Variants in HERC5 observed in about 807,000 individuals in gnomAD.
HERC5 encodes HECT and RLD domain containing E3 ubiquitin protein ligase 5.
A neutral mutation model predicts 119.6 loss-of-function variants in HERC5; 99 were observed. The ratio of observed to expected loss-of-function variants is 0.83; its 90% CI spans 0.70 to 0.98. The LOEUF (loss-of-function observed/expected upper bound fraction) is 0.98. Among genes scored for constraint, HERC5 ranks in the 50% least tolerant of loss-of-function variants. The probability of loss-of-function intolerance (pLI) is 0.00; values close to 1 mark genes in which losing one functional copy is unlikely to be tolerated. For synonymous variants in HERC5, 478 were observed against 445.9 expected, an observed-to-expected ratio of 1.07 and a Z score of -0.91; for missense variants, 1,267 against 1,241.3, an observed-to-expected ratio of 1.02 and a Z score of -0.31.
intron 20 of HERC5, 32 bp from the exon 21 acceptor site, chr4:88,504,199 AG>A: frequency 7.1e-7 from 1 of 1,406,832 alleles, no homozygotes; most frequent in South Asian, 1.2e-5. Context: ...AGGATATTGC[AG>A]TAAGTGGAAA....
chr4:88,503,371 G>A (rs1398786821), intron 20 of HERC5, among the ~76,000 whole-genome samples: 1 of 152,058 alleles, frequency 6.6e-6, no homozygotes, highest in Non-Finnish European at 1.5e-5. Context: ...TTTCTATGTA[G>A]AGATCTTGTT....
chr4:88,475,350 A>G (rs1432813927), intron 11 of HERC5, among the ~76,000 whole-genome samples: 7 of 120,164 alleles, frequency 5.8e-5, no homozygotes, highest in Admixed American at 1.0e-4. Flanking sequence ...TTTGAGATGG[A>G]GTCTTGCTCT....
chr4:88,478,853 C>T lies in HERC5; in HGVS notation c.1583-500C>T, dbSNP rs528745788. ...CCTGGAACTGCTGAGCTCAGACAAT[C>T]CACCTGCCTCAGCCTCCCAAAGTGC... is the stretch of plus-strand genomic sequence containing the variant. On this transcript the variant is annotated intron_variant, in intron 12 of 22. Transcript: ENST00000264350. Among the ~76,000 whole-genome samples the T allele has an allele frequency of 2.0e-5, 3 of 152,276 alleles. No homozygotes were observed. In the South Asian group the frequency reaches 6.2e-4, roughly 32 times the overall value.
At chr4:88,497,140 C>T (rs1049775038) in intron 18 of HERC5, among the ~76,000 whole-genome samples, 5 of 152,126 alleles carry the variant, frequency 3.3e-5, no homozygotes. Flanking sequence ...TTTGTTATGG[C>T]AGCGTAAATG....
rs1474364733 is a variant in HERC5 at position 88,492,888 on chromosome 4, C to T, written c.2134-124C>T. 14 of 797,448 alleles carry T rather than the reference C, an allele frequency of 1.8e-5. 1 individual carries two copies. In the Admixed American group the frequency reaches 3.4e-4, roughly 19 times the overall value. The allele number at this position is 797,448 out of a possible 1,614,324, so 49.4% of individuals were successfully genotyped here. On this transcript the variant is annotated intron_variant, in intron 16 of 22. Coordinates refer to ENST00000264350, the MANE Select transcript of HERC5 (RefSeq NM_016323.4). ...TATGATAATATAAGTAGGATACTTA[C>T]CTCAGTGCCTTCCAAATACTTGGGT... is the stretch of plus-strand genomic sequence containing the variant.
chr4:88,463,568 A>C lies in HERC5; in HGVS notation c.725A>C (p.Asn242Thr). 1 of 1,613,614 alleles carries C rather than the reference A, an allele frequency of 6.2e-7. No individual in the cohort carries two copies. The highest frequency in any genetic ancestry group is 8.5e-7 in the Non-Finnish European group (1 of 1,179,796). Residue 242 changes from asparagine (N) to threonine (T), a missense_variant, in exon 5 of 23, where the codon AAT becomes ACT. Coordinates refer to ENST00000264350, the MANE Select transcript of HERC5 (RefSeq NM_016323.4). ...CCATCCCTTATTGAAGGACTAGACA[A>C]TCAGAAAGTTGAATTTGTCGCTTGT... ...DDPSLIEGLD[N>T]QKVEFVACGG...
intron 17 of HERC5, 71 bp downstream of exon 17, chr4:88,493,226 T>C (rs1006191026): frequency 1.7e-5 from 24 of 1,394,306 alleles, no homozygotes; most frequent in Non-Finnish European, 2.3e-5. Flanking sequence ...AGAAAATTAG[T>C]TTGTCTAGAC....
At chr4:88,499,887 G>T (rs757532227) in intron 18 of HERC5, 39 bp from the exon 19 acceptor site, 1 of 1,395,654 alleles carries the variant, frequency 7.2e-7, no homozygotes, top group Non-Finnish European at 1.0e-6. Flanking sequence ...AGTGATCATG[G>T]TTATTACCTT....
At chr4:88,468,304 A>G in intron 7 of HERC5, 42 bp from the exon 8 acceptor site, 1 of 1,415,662 alleles carries the variant, frequency 7.1e-7, no homozygotes, top group Non-Finnish European at 9.9e-7. Flanking sequence ...TGTTTGTGCC[A>G]AATGACTTTC....
chr4:88,457,733 G>GTC (rs1740222748), intron 1 of HERC5, among the ~76,000 whole-genome samples, 199 bp downstream of exon 1: 1 of 152,190 alleles, frequency 6.6e-6, no homozygotes, highest in East Asian at 1.9e-4. Context: ...CGGGGTGAGC[G>GTC]GGATACTGGC....
Position 88,467,191 on chromosome 4 carries a change from A to G in HERC5, c.1044A>G (p.Glu348=). The G allele has an allele frequency of 1.9e-6, 3 of 1,614,182 alleles. No individual in the cohort carries two copies. In the East Asian group the frequency reaches 6.7e-5, roughly 36 times the overall value. ...TTCCAGTGAAAGTATCATCAAGTGA[A>G]GAACTCAAACTTGGTAAATTCTATA... is the stretch of plus-strand genomic sequence containing the variant. ...MPLPVKVSSS[E]ELKLESHTSE... Residue 348 remains glutamate, a synonymous_variant, in exon 7 of 23, where the codon GAA becomes GAG. Transcript: ENST00000264350.
intron 6 of HERC5, among the ~76,000 whole-genome samples, chr4:88,465,042 T>A (rs1028208384): frequency 9.9e-5 from 15 of 152,180 alleles, no homozygotes; most frequent in Non-Finnish European, 1.9e-4. Flanking sequence ...AGTGCTGGGA[T>A]TACAGGCATG....
At chr4:88,464,206 A>G (rs2149086716) in intron 6 of HERC5, among the ~76,000 whole-genome samples, 1 of 147,480 alleles carries the variant, frequency 6.8e-6, no homozygotes, top group East Asian at 2.0e-4. Flanking sequence ...GAGCAGATAC[A>G]ATTCACTTTC....
At chr4:88,466,587 G>A (rs951620460) in intron 6 of HERC5, among the ~76,000 whole-genome samples, 4 of 152,200 alleles carry the variant, frequency 2.6e-5, no homozygotes, top group African/African-American at 9.6e-5. Context: ...TAGGAACAGG[G>A]CACCAGCCAG....
At chr4:88,495,112 C>A (rs1057016493) in intron 18 of HERC5, among the ~76,000 whole-genome samples, 2 of 152,114 alleles carry the variant, frequency 1.3e-5, no homozygotes, top group African/African-American at 4.8e-5. Flanking sequence ...AAATACACAA[C>A]CATGCAAGGA....
chr4:88,459,370 A>C lies in HERC5; in HGVS notation c.289A>C (p.Met97Leu). 1 of 1,586,866 alleles carries C rather than the reference A, an allele frequency of 6.3e-7. No individual in the cohort carries two copies. The part of the protein sequence containing the change: ...TPKCIKLGKN[M>L]KIHSVDQGAE... ...AGAATGCATTAAATTAGGAAAAAAC[A>C]TGAAGATACATTCCGTGGACCAAGG... The change falls in exon 2 of 23, where the codon ATG (methionine) becomes CTG (leucine). Residue 97 changes from methionine (M) to leucine (L), a missense_variant. By Grantham distance (15) the Met-to-Leu change is conservative (BLOSUM62 2). Coordinates refer to ENST00000264350, the MANE Select transcript of HERC5 (RefSeq NM_016323.4).
chr4:88,480,616 A>G (rs934011954), intron 13 of HERC5, among the ~76,000 whole-genome samples: 2 of 152,196 alleles, frequency 1.3e-5, no homozygotes, highest in South Asian at 4.1e-4. Flanking sequence ...TGGTAGTGAC[A>G]AACTTCTAAA....
At chr4:88,473,102 T>C (rs1053099450) in intron 11 of HERC5, 1 of 152,126 alleles carries the variant, frequency 6.6e-6, no homozygotes, top group Non-Finnish European at 1.5e-5. Context: ...AGTCTCGCTT[T>C]GTTGCCCAGG....
At chr4:88,465,707 G>A (rs1446118143) in intron 6 of HERC5, among the ~76,000 whole-genome samples, 1 of 152,118 alleles carries the variant, frequency 6.6e-6, no homozygotes, top group Non-Finnish European at 1.5e-5. Flanking sequence ...CCTACTAACA[G>A]GACAATTCAC....
Sources: gnomAD v4.1 joint callset for allele counts (sites outside exome capture counted in the v4.1 genomes callset) on GRCh38, gnomAD v4.1.1 for gene constraint, MANE v1.5 for transcripts, NCBI Gene and HGNC (gene_info 2026-07-23, HGNC 2026-07-21) for gene names.